The following TULP2 variants were observed in gnomAD, a reference collection of about 807,000 sequenced individuals.
The protein encoded by TULP2 is TUB like protein 2.
Under a neutral mutation model 60.3 loss-of-function variants are expected in TULP2, and 64 were observed. That is an observed-to-expected ratio of 1.06 (90% CI 0.87 to 1.31). The LOEUF is 1.31. Among genes scored for constraint, TULP2 ranks in the 50% most tolerant of loss-of-function variants. TULP2 has a pLI of 0.00. For synonymous variants in TULP2, 267 were observed against 265.4 expected (o/e 1.01, Z -0.06); for missense variants, 652 against 667.0 (o/e 0.98, Z 0.25).
intron 12 of TULP2, 171 bp downstream of exon 12, chr19:48,881,861 C>T: frequency 3.5e-6 from 3 of 866,078 alleles, no homozygotes; most frequent in Non-Finnish European, 5.3e-6. Flanking sequence ...CCTTACTAAG[C>T]CAGAAACCCT....
At chr19:48,885,797 A>G (rs923936626) in intron 8 of TULP2, among the ~76,000 whole-genome samples, 2 of 151,976 alleles carry the variant, frequency 1.3e-5, no homozygotes, top group East Asian at 3.9e-4. Flanking sequence ...AGGCAGGAGA[A>G]TTGCTTGAAC....
intron 7 of TULP2, 149 bp downstream of exon 7, chr19:48,889,361 C>A (rs190723434): frequency 2.3e-6 from 3 of 1,294,428 alleles, no homozygotes; most frequent in Non-Finnish European, 3.1e-6. Flanking sequence ...CACGCACGCA[C>A]GCACGCACAC....
chr19:48,895,472 C>T lies in TULP2; in HGVS notation c.243G>A (p.Val81=). The change falls in exon 5 of 13, where the codon GTG becomes GTA. Residue 81 remains valine, a synonymous_variant. Coordinates refer to ENST00000221399, the MANE Select transcript of TULP2 (RefSeq NM_003323.3). Reference sequence around the variant, plus strand: ...TGCCAGAGGGCAGATGTGCCTCTGACACTTTCTTCCGGAGGAAAGGGTTCC... The same window carrying T: ...TGCCAGAGGGCAGATGTGCCTCTGATACTTTCTTCCGGAGGAAAGGGTTCC... ...GLGNPFLRKK[V]SEAHLPSGIH... 3.1e-6 allele frequency: 5 copies of T among 1,611,484 alleles called. No individual in the cohort carries two copies. The South Asian group carries it at 5.5e-5, about 18-fold the overall frequency.
chr19:48,883,985 G>C lies in TULP2; in HGVS notation c.1123C>G (p.His375Asp), dbSNP rs1233219158. 5.6e-6 allele frequency: 9 copies of C among 1,614,070 alleles called. No homozygotes were observed. Among genetic ancestry groups the C allele is most frequent in the Non-Finnish European group, 7.6e-6 (9 of 1,180,032 alleles). Residue 375 changes from histidine (H) to aspartate (D), a missense_variant, in exon 10 of 13, where the codon CAT (histidine) becomes GAT (aspartate). Physicochemically the swap from His to Asp is moderately conservative, Grantham distance 81. Coordinates refer to ENST00000221399, the MANE Select transcript of TULP2 (RefSeq NM_003323.3). ...ATCCGGGCAGTATTCCTGGTTAAAT[G>C]CTCCCGGTCAGGATTCACCCCATTG... is the stretch of plus-strand genomic sequence containing the variant. ...FDNGVNPDRE[H>D]LTRNTARIRQ...
rs771199938 is a variant in TULP2, at chr19:48,881,038, G to A, written c.1536C>T (p.Phe512=). The change falls in exon 13 of 13, where the codon TTC becomes TTT. Residue 512 remains phenylalanine, a synonymous_variant. Coordinates refer to ENST00000221399, the MANE Select transcript of TULP2 (RefSeq NM_003323.3). ...FCFPFSPLQA[F]SICLSSFN Reference sequence around the variant, plus strand: ...AATTGAAACTGGACAAGCAGATGCTGAAGGCCTGGAGCGGGCTAAATGGAA... The same window carrying A: ...AATTGAAACTGGACAAGCAGATGCTAAAGGCCTGGAGCGGGCTAAATGGAA... The A allele has an allele frequency of 8.1e-6, 13 of 1,613,904 alleles. No individual in the cohort carries two copies. The highest frequency in any genetic ancestry group is 1.1e-5 in the Non-Finnish European group (13 of 1,179,952).
chr19:48,897,970 T>TATTTATTC lies in TULP2; in HGVS notation c.-1-102_-1-101insGAATAAAT. 1 of 948,570 alleles carries TATTTATTC rather than the reference T, an allele frequency of 1.1e-6. No individual in the cohort carries two copies. The highest frequency in any genetic ancestry group is 1.4e-6 in the Non-Finnish European group (1 of 702,532). 58.8% of individuals were successfully genotyped at this position (948,570 alleles called of 1,614,324 possible). ...AGCCTTATTTATTTATTTATTTATT[T>TATTTATTC]ATTTATTTATGTATTTAGAGACAGC... On this transcript the variant is annotated intron_variant, in intron 1 of 12. Coordinates refer to ENST00000221399, the MANE Select transcript of TULP2 (RefSeq NM_003323.3). This position sits in a 1 kb window ranked among gnomAD's most constrained non-coding sequence, Gnocchi z 4.0.
At chr19:48,895,233 C>T in intron 5 of TULP2, 71 bp from the exon 6 acceptor site, 1 of 1,578,684 alleles carries the variant, frequency 6.3e-7, no homozygotes, top group Admixed American at 1.8e-5. Context: ...ACCTGAACTC[C>T]TTGGTGTGAG....
chr19:48,893,330 A>G (rs1372842468), intron 6 of TULP2, among the ~76,000 whole-genome samples: 1 of 150,516 alleles, frequency 6.6e-6, no homozygotes, highest in Non-Finnish European at 1.5e-5. Context: ...AGATCGCGCC[A>G]TTGCATTCCA....
In TULP2 at chr19:48,882,200, G is replaced by A; in HGVS notation, c.1279C>T (p.Gln427Ter). Reference protein sequence around the residue: ...QRINVQPLNEQESLLSRYQRG... With the variant: ...QRINVQPLNE ...TGGTAACGACTCAGTAGCGACTCCT[G>A]TTCCTAGAAGGTAAAGAAGGGGCTG... Residue 427 changes from glutamine to a stop codon, truncating the protein, a stop_gained, in exon 12 of 13, where the codon CAG (glutamine) becomes TAG (stop). Coordinates refer to ENST00000221399, the MANE Select transcript of TULP2 (RefSeq NM_003323.3). LOFTEE classifies it high-confidence loss of function. 1 of 1,614,050 alleles carries A rather than the reference G, an allele frequency of 6.2e-7. No individual in the cohort carries two copies.
intron 11 of TULP2, 36 bp downstream of exon 11, chr19:48,883,718 C>T (rs746693284): frequency 6.2e-6 from 10 of 1,610,980 alleles, no homozygotes; most frequent in Middle Eastern, 3.5e-4. Flanking sequence ...AGCCCCTTCT[C>T]CATTGACCCA....
chr19:48,881,193 CTTTTTT>C, intron 12 of TULP2, 67 bp from the exon 13 acceptor site: 1 of 293,946 alleles, frequency 3.4e-6, no homozygotes, highest in Non-Finnish European at 5.7e-6. Context: ...AGAACTGAGA[CTTTTTT>C]TTTTTTTTTT....
At chr19:48,898,273 C>G (rs1234651432) in intron 1 of TULP2, 1 of 151,566 alleles carries the variant, frequency 6.6e-6, no homozygotes, top group Non-Finnish European at 1.5e-5. Flanking sequence ...CCGGCCTGAT[C>G]CTTACCTTTA....
intron 9 of TULP2, among the ~76,000 whole-genome samples, chr19:48,885,086 A>G (rs2037167733): frequency 6.6e-6 from 1 of 151,756 alleles, no homozygotes; most frequent in Non-Finnish European, 1.5e-5. Context: ...TTTTTGGTAG[A>G]GACGGGGTTT....
Position 48,887,963 on chromosome 19 carries a change from G to A in TULP2, c.935C>T (p.Ser312Phe). 6.8e-6 allele frequency: 11 copies of A among 1,609,690 alleles called. No homozygotes were observed. The highest frequency in any genetic ancestry group is 9.4e-6 in the Non-Finnish European group (11 of 1,176,330). Residue 312 changes from serine to phenylalanine, a missense_variant, in exon 8 of 13, where the codon TCT becomes TTT. Coordinates refer to ENST00000221399, the MANE Select transcript of TULP2 (RefSeq NM_003323.3). ...GGCTTACTGCACCTGCAGGCTGTCA[G>A]AGGTCTCCAGGTAGAGGTAGTAGAG... ...FPLYYLYLET[S>F]DSLQRFLLAG... is the part of the protein sequence containing the mutation.
intron 6 of TULP2, among the ~76,000 whole-genome samples, chr19:48,891,693 G>C (rs1191332186): frequency 5.3e-5 from 8 of 152,166 alleles, no homozygotes; most frequent in Admixed American, 5.2e-4. Context: ...CAGAGACAAA[G>C]TATAGAGGAA....
intron 8 of TULP2, among the ~76,000 whole-genome samples, chr19:48,887,311 C>CTTTTTTATTTTT (rs2037188988): frequency 2.5e-5 from 1 of 39,330 alleles, no homozygotes; most frequent in Non-Finnish European, 5.2e-5. Context: ...GCGCCCAGCC[C>CTTTTTTATTTTT]TTTTTTTTTT....
rs1437850769 is a variant in TULP2, at chr19:48,889,534, T to C, written c.612A>G (p.Val204=). 19 of 1,578,626 alleles carry C rather than the reference T, an allele frequency of 1.2e-5. No homozygotes were observed. The highest frequency in any genetic ancestry group is 2.7e-5 in the African/African-American group (2 of 74,396). ...GPNPGMDGDC[V]YENLAFQKEE... is the part of the protein sequence containing the mutation. ...CCTTTTGGAAGGCCAAGTTTTCATA[T>C]ACACAGTCACCATCCATTCCAGGGT... The change falls in exon 7 of 13, where the codon GTA becomes GTG. Residue 204 remains valine, a synonymous_variant. Transcript: ENST00000221399.
At chr19:48,888,760 T>G (rs1357390032) in intron 7 of TULP2, among the ~76,000 whole-genome samples, 4 of 151,850 alleles carry the variant, frequency 2.6e-5, no homozygotes, top group Non-Finnish European at 5.9e-5. Flanking sequence ...TAGCTAGGAT[T>G]ACAGGCTTTC....
chr19:48,889,637 G>A lies in TULP2; in HGVS notation c.515-6C>T. The A allele has an allele frequency of 1.3e-6, 2 of 1,573,064 alleles. No individual in the cohort carries two copies. Among genetic ancestry groups the A allele is most frequent in the Non-Finnish European group, 1.7e-6 (2 of 1,150,350 alleles). On this transcript the variant is annotated splice_region_variant and splice_polypyrimidine_tract_variant and intron_variant, in intron 6 of 12. Coordinates refer to ENST00000221399, the MANE Select transcript of TULP2 (RefSeq NM_003323.3). ...CTCACCCTCTGCACGGGTCCCTAAT[G>A]TGGGGAAAAGCAAGAGAGATCAGAT...
Sources: allele counts gnomAD v4.1 joint callset (sites outside exome capture counted in the v4.1 genomes callset), GRCh38; gene constraint gnomAD v4.1.1; non-coding constraint Gnocchi (gnomAD v3.1); transcripts MANE v1.5; gene names NCBI Gene and HGNC (gene_info 2026-07-23, HGNC 2026-07-21).